Variants in TUSC3 observed in about 807,000 individuals in gnomAD.
TUSC3 encodes tumor suppressor candidate 3.
Under a neutral mutation model 44.8 loss-of-function variants are expected in TUSC3, and 45 were observed. The ratio of observed to expected loss-of-function variants is 1.00; its 90% CI spans 0.79 to 1.29. The LOEUF (loss-of-function observed/expected upper bound fraction) is 1.29. Among genes scored for constraint, TUSC3 ranks in the 50% most tolerant of loss-of-function variants. TUSC3 has a pLI of 0.00. For missense variants in TUSC3, 519 were observed against 437.9 expected (o/e 1.19, Z -1.65); for synonymous variants, 212 against 152.9 (o/e 1.39, Z -2.85).
chr8:15,618,844 G>A lies in TUSC3; in HGVS notation c.139-4236G>A, dbSNP rs1585159246. Among the ~76,000 whole-genome samples the A allele has an allele frequency of 2.0e-5, 3 of 152,190 alleles. 1 individual carries two copies. The highest frequency in any genetic ancestry group is 4.1e-4 in the South Asian group (2 of 4,830). ...CACAGGAGTAAAACGGTGTGCTGCAGTGTTACCACGGCTGCCCTTCAGTAT... is the reference window on the plus strand; with the variant it reads ...CACAGGAGTAAAACGGTGTGCTGCAATGTTACCACGGCTGCCCTTCAGTAT... On this transcript the variant is annotated intron_variant, in intron 1 of 10. Coordinates refer to ENST00000503731, the MANE Select transcript of TUSC3 (RefSeq NM_006765.4).
intron 10 of TUSC3, among the ~76,000 whole-genome samples, chr8:15,760,706 G>A (rs1585313487): frequency 1.3e-5 from 2 of 152,124 alleles, no homozygotes; most frequent in South Asian, 2.1e-4. Context: ...TTTGCACTAC[G>A]ACAGTTCAGC....
Position 15,666,932 on chromosome 8 carries a change from C to T in TUSC3, c.708+4636C>T, listed in dbSNP as rs190606180. On this transcript the variant is annotated intron_variant, in intron 5 of 10. Transcript: ENST00000503731. ...TAGGATATACTTAATATATCTAATT[C>T]TTAATTTTCTGTAGTAGGAGTAAGC... 2.6e-5 allele frequency among the ~76,000 whole-genome samples: 4 copies of T among 151,434 alleles called. No individual in the cohort carries two copies. In the East Asian group the frequency reaches 7.8e-4, roughly 30 times the overall value.
chr8:15,851,460 A>G, the TUSC3 span, among the ~76,000 whole-genome samples: 1 of 152,174 alleles, frequency 6.6e-6, no homozygotes, highest in Admixed American at 6.5e-5. Context: ...TATGCATTAC[A>G]TTGTTTAATC....
At chr8:15,801,999 C>G in the TUSC3 span, among the ~76,000 whole-genome samples, 1 of 152,044 alleles carries the variant, frequency 6.6e-6, no homozygotes, top group Non-Finnish European at 1.5e-5. Flanking sequence ...CACTTCTGAC[C>G]AGCTGTTCTT....
Position 15,730,714 on chromosome 8 carries a change from A to T in TUSC3, c.847A>T (p.Ile283Phe), listed in dbSNP as rs755453684. The T allele has an allele frequency of 6.2e-7, 1 of 1,613,064 alleles. No individual in the cohort carries two copies. The highest frequency in any genetic ancestry group is 8.5e-7 in the Non-Finnish European group (1 of 1,179,418). The change falls in exon 7 of 11, where the codon ATT becomes TTT. Residue 283 changes from isoleucine to phenylalanine, a missense_variant. Physicochemically the swap from Ile to Phe is conservative, Grantham distance 21. Coordinates refer to ENST00000503731, the MANE Select transcript of TUSC3 (RefSeq NM_006765.4). ...SQAQFVAESH[I>F]ILVLNAAITM... The stretch of plus-strand genomic sequence containing the variant: ...GGCTCAGTTTGTGGCAGAATCACAC[A>T]TTATTCTGGTACTGAGTATCCTTTT...
At chr8:15,504,621 ATTTTTTTT>A (rs869264757) in intron 2 of TUSC3, among the ~76,000 whole-genome samples, 54 of 20,286 alleles carry the variant, frequency 2.7e-3, no homozygotes, top group African/African-American at 9.0e-3. Flanking sequence ...ATATATATAT[ATTTTTTTT>A]TTTTTTTTTT....
intron 9 of TUSC3, 140 bp from the exon 10 acceptor site, chr8:15,757,651 A>ACAG: frequency 9.3e-7 from 1 of 1,074,468 alleles, no homozygotes; most frequent in Non-Finnish European, 1.4e-6. Context: ...GCATTCTGTA[A>ACAG]AGGCACCATC....
chr8:15,620,668 C>G (rs1805203631), intron 1 of TUSC3, among the ~76,000 whole-genome samples: 1 of 152,006 alleles, frequency 6.6e-6, no homozygotes, highest in African/African-American at 2.4e-5. Context: ...CTTACCTAGT[C>G]CTTTGTTACT....
chr8:15,419,296 T>C (rs769946419), intron 1 of TUSC3, among the ~76,000 whole-genome samples: 2 of 152,298 alleles, frequency 1.3e-5, no homozygotes, highest in Non-Finnish European at 2.9e-5. Context: ...GAAAAACAGG[T>C]GACAGGAAAG....
intron 6 of TUSC3, among the ~76,000 whole-genome samples, chr8:15,713,681 T>G (rs1809950337): frequency 6.6e-6 from 1 of 152,058 alleles, no homozygotes; most frequent in South Asian, 2.1e-4. Flanking sequence ...TGGTCTTTAC[T>G]CAGTGCATGT....
chr8:15,458,650 T>A (rs530088997), intron 1 of TUSC3, among the ~76,000 whole-genome samples: 4 of 152,304 alleles, frequency 2.6e-5, no homozygotes, highest in South Asian at 4.1e-4. Flanking sequence ...ATCTGATTCT[T>A]CCACCTGAGA....
intron 1 of TUSC3, among the ~76,000 whole-genome samples, chr8:15,583,555 A>G (rs534355362): frequency 1.4e-4 from 21 of 152,216 alleles, no homozygotes; most frequent in African/African-American, 2.4e-4. Context: ...GAGCAAAACT[A>G]GATCCCGTGG....
intron 2 of TUSC3, among the ~76,000 whole-genome samples, chr8:15,641,230 A>T (rs542023831): frequency 6.6e-6 from 1 of 152,012 alleles, no homozygotes; most frequent in East Asian, 1.9e-4. Context: ...GCGCGGTGGC[A>T]CTCGCCTGTA....
At chr8:15,841,513 G>A in the TUSC3 span, among the ~76,000 whole-genome samples, 2 of 151,778 alleles carry the variant, frequency 1.3e-5, no homozygotes, top group Non-Finnish European at 2.9e-5. Flanking sequence ...TCTGTTATGA[G>A]ACAAAATTTT....
chr8:15,834,936 G>T, the TUSC3 span, among the ~76,000 whole-genome samples: 2 of 152,172 alleles, frequency 1.3e-5, no homozygotes, highest in Admixed American at 1.3e-4. Flanking sequence ...CCCCAGGACT[G>T]GTTGTGGGAC....
Position 15,745,235 on chromosome 8 carries a change from T to C in TUSC3, c.937+1623T>C, listed in dbSNP as rs558263227. Reference sequence around the variant, plus strand: ...TGGAATCAACCTGGGTTGATTTCATTTTTTTGCTGATGTGCATAGGGCTGT... The same window carrying C: ...TGGAATCAACCTGGGTTGATTTCATCTTTTTGCTGATGTGCATAGGGCTGT... On this transcript the variant is annotated intron_variant, in intron 8 of 10. Transcript: ENST00000503731. 2.6e-5 allele frequency among the ~76,000 whole-genome samples: 4 copies of C among 152,180 alleles called. No individual in the cohort carries two copies. The South Asian group carries it at 8.3e-4, about 32-fold the overall frequency.
At chr8:15,451,678 A>T (rs2129120405) in intron 1 of TUSC3, among the ~76,000 whole-genome samples, 1 of 152,202 alleles carries the variant, frequency 6.6e-6, no homozygotes, top group Middle Eastern at 3.4e-3. Context: ...TGAGGAAGGG[A>T]TAGTGGGAAC....
At chr8:15,591,732 A>T (rs1452733133) in intron 1 of TUSC3, among the ~76,000 whole-genome samples, 2 of 152,162 alleles carry the variant, frequency 1.3e-5, no homozygotes, top group African/African-American at 2.4e-5. Context: ...TAGGGGAGGA[A>T]TATTCTAGTT....
intron 1 of TUSC3, among the ~76,000 whole-genome samples, chr8:15,576,765 T>G (rs1454268756): frequency 5.8e-5 from 8 of 138,876 alleles, no homozygotes; most frequent in Non-Finnish European, 9.2e-5. Flanking sequence ...AATGCCGCAA[T>G]AAACATACGT....
Sources: gnomAD v4.1 joint callset for allele counts (sites outside exome capture counted in the v4.1 genomes callset) on GRCh38, gnomAD v4.1.1 for gene constraint, MANE v1.5 for transcripts, NCBI Gene and HGNC (gene_info 2026-07-23, HGNC 2026-07-21) for gene names.